The following KLHL29 variants were observed in gnomAD, a reference collection of about 807,000 sequenced individuals.
KLHL29 encodes the protein kelch like family member 29.
Under a neutral mutation model 80.4 loss-of-function variants are expected in KLHL29, and 21 were observed. The observed-to-expected ratio is 0.26, with a 90% CI of 0.19 to 0.38. The LOEUF (loss-of-function observed/expected upper bound fraction) is 0.38. Ranked by LOEUF, KLHL29 falls within the 10% of genes least tolerant of loss-of-function variation. The probability of loss-of-function intolerance (pLI) is 1.00; values close to 1 mark genes in which losing one functional copy is unlikely to be tolerated. For missense variants in KLHL29, 867 were observed against 1,223.9 expected, an observed-to-expected ratio of 0.71 and a Z score of 4.35; for synonymous variants, 511 against 526.8, an observed-to-expected ratio of 0.97 and a Z score of 0.41.
At chr2:23,394,661 G>A (rs1005759722) in intron 1 of KLHL29, among the ~76,000 whole-genome samples, 10 of 152,234 alleles carry the variant, frequency 6.6e-5, no homozygotes, top group Admixed American at 6.5e-4. Flanking sequence ...CATATGTTTA[G>A]CCACATTGCT....
At chr2:23,587,924 G>C (rs1450522378) in intron 3 of KLHL29, among the ~76,000 whole-genome samples, 1 of 152,206 alleles carries the variant, frequency 6.6e-6, no homozygotes, top group Non-Finnish European at 1.5e-5. Context: ...ATGGCCTTGT[G>C]TGCTGGCCTC....
chr2:23,562,314 G>A lies in KLHL29; in HGVS notation c.118G>A (p.Gly40Ser), dbSNP rs985031237. Reference sequence around the variant, plus strand: ...CATCTGCAGTGTCACCTCGGGGGCCGGTGGCGGCACAGCCAGCAGCCTCAG... The same window carrying A: ...CATCTGCAGTGTCACCTCGGGGGCCAGTGGCGGCACAGCCAGCAGCCTCAG... ...TSICSVTSGA[G>S]GGTASSLSVR... Residue 40 changes from glycine (G) to serine (S), a missense_variant, in exon 3 of 14, where the codon GGT becomes AGT. Transcript: ENST00000486442. This position sits in a 1 kb window ranked among gnomAD's most constrained non-coding sequence, Gnocchi z 4.5. 2.9e-5 allele frequency: 45 copies of A among 1,545,066 alleles called. No individual in the cohort carries two copies. In the East Asian group the frequency reaches 4.2e-4, roughly 14 times the overall value.
At chr2:23,448,811 G>A (rs1030291714) in intron 1 of KLHL29, among the ~76,000 whole-genome samples, 3 of 152,206 alleles carry the variant, frequency 2.0e-5, no homozygotes, top group Non-Finnish European at 2.9e-5. Flanking sequence ...GCCAGAGAAC[G>A]GCAGAATCTA....
intron 1 of KLHL29, among the ~76,000 whole-genome samples, chr2:23,425,770 A>C (rs542572962): frequency 7.8e-4 from 119 of 152,136 alleles, no homozygotes; most frequent in Non-Finnish European, 1.5e-3. Context: ...CTGTCACATG[A>C]CTTGGCAGAA....
At chr2:23,644,140 A>C (rs1669854272) in intron 5 of KLHL29, 1 of 152,232 alleles carries the variant, frequency 6.6e-6, no homozygotes, top group East Asian at 1.9e-4. Context: ...GGAAATCAGC[A>C]CTAGTTTTAA....
At chr2:23,484,343 C>G (rs981327403) in intron 2 of KLHL29, among the ~76,000 whole-genome samples, 1 of 152,220 alleles carries the variant, frequency 6.6e-6, no homozygotes, top group Non-Finnish European at 1.5e-5. Flanking sequence ...GCAGTCCTCA[C>G]GGGCCACCCT....
At position 23,531,385 on chromosome 2, in the gene KLHL29, C is replaced by T. The variant is rs1234270250; in HGVS notation, c.-45-30767C>T. Among the ~76,000 whole-genome samples the T allele has an allele frequency of 2.6e-5, 4 of 152,146 alleles. No homozygotes were observed. The South Asian group carries it at 6.2e-4, about 24-fold the overall frequency. On this transcript the variant is annotated intron_variant, in intron 2 of 13. Transcript: ENST00000486442. ...GTGATGCTCAAGGGAGAAGAACAGG[C>T]GACCGTCCCCATCAGTTCCATCCCC... is the stretch of plus-strand genomic sequence containing the variant.
intron 5 of KLHL29, among the ~76,000 whole-genome samples, chr2:23,644,635 C>T (rs1276244163): frequency 2.6e-5 from 4 of 152,202 alleles, no homozygotes; most frequent in Non-Finnish European, 5.9e-5. Flanking sequence ...ACACAGGTGG[C>T]GGGGACAGGA....
At chr2:23,460,554 T>A (rs1664181240) in intron 1 of KLHL29, among the ~76,000 whole-genome samples, 1 of 151,996 alleles carries the variant, frequency 6.6e-6, no homozygotes, top group Non-Finnish European at 1.5e-5. Flanking sequence ...ATGGCTAGAT[T>A]AATATGTGCA....
At chr2:23,541,412 A>G (rs558062323) in intron 2 of KLHL29, among the ~76,000 whole-genome samples, 2 of 152,330 alleles carry the variant, frequency 1.3e-5, no homozygotes, top group South Asian at 4.1e-4. Context: ...TGCCTGTCTT[A>G]TGGTCTCAGA....
At chr2:23,664,069 C>T (rs17045795) in intron 5 of KLHL29, among the ~76,000 whole-genome samples, 2,950 of 152,234 alleles carry the variant, frequency 0.019, 91 homozygotes, top group East Asian at 0.15. Flanking sequence ...CATTGTAATG[C>T]GGGACATTTT....
chr2:23,483,351 A>C (rs1664850291), intron 2 of KLHL29, among the ~76,000 whole-genome samples: 1 of 152,240 alleles, frequency 6.6e-6, no homozygotes, highest in Admixed American at 6.5e-5. Context: ...CTGAAGATAT[A>C]AAAAGACCAA....
At chr2:23,574,557 AG>A (rs1667796974) in intron 3 of KLHL29, among the ~76,000 whole-genome samples, 1 of 152,262 alleles carries the variant, frequency 6.6e-6, no homozygotes, top group East Asian at 1.9e-4. Flanking sequence ...GGGAAGGGAC[AG>A]GGAGGTTTTG....
At chr2:23,484,393 G>C (rs1435432372) in intron 2 of KLHL29, among the ~76,000 whole-genome samples, 1 of 152,182 alleles carries the variant, frequency 6.6e-6, no homozygotes, top group African/African-American at 2.4e-5. Context: ...TGTCTGGCTC[G>C]TAAGGTAGCA....
intron 2 of KLHL29, among the ~76,000 whole-genome samples, chr2:23,506,436 C>A (rs369877880): frequency 6.6e-6 from 1 of 152,176 alleles, no homozygotes; most frequent in Non-Finnish European, 1.5e-5. Flanking sequence ...TCTGCACAGG[C>A]GAGGACCTTT....
intron 3 of KLHL29, among the ~76,000 whole-genome samples, chr2:23,581,445 A>C (rs1280093767): frequency 2.0e-5 from 3 of 152,174 alleles, no homozygotes; most frequent in Non-Finnish European, 4.4e-5. Flanking sequence ...CTTGCGATGG[A>C]GTGTGCGCTG....
At chr2:23,400,790 C>A (rs1666581624) in intron 1 of KLHL29, among the ~76,000 whole-genome samples, 1 of 152,164 alleles carries the variant, frequency 6.6e-6, no homozygotes, top group African/African-American at 2.4e-5. Flanking sequence ...GCCAAGATTG[C>A]ACCACTGCGC....
At chr2:23,418,066 C>T (rs1288064935) in intron 1 of KLHL29, among the ~76,000 whole-genome samples, 2 of 152,224 alleles carry the variant, frequency 1.3e-5, no homozygotes, top group African/African-American at 2.4e-5. Context: ...AGCACAGTCC[C>T]TGGCATATTG....
rs1015125914 is a variant in KLHL29 at position 23,625,641 on chromosome 2, G to A, written c.286-13498G>A. Among the ~76,000 whole-genome samples, 7 of 152,272 alleles carry A rather than the reference G, an allele frequency of 4.6e-5. No homozygotes were observed. In the South Asian group the frequency reaches 6.2e-4, roughly 14 times the overall value. On this transcript the variant is annotated intron_variant, in intron 3 of 13. Transcript: ENST00000486442. ...AGATGGAGCCAGAGAAACAACAGGC[G>A]GATCGATCTCCACTCGGTTCACTCA...
Sources: allele counts gnomAD v4.1 joint callset (sites outside exome capture counted in the v4.1 genomes callset), GRCh38; gene constraint gnomAD v4.1.1; non-coding constraint Gnocchi (gnomAD v3.1); transcripts MANE v1.5; gene names NCBI Gene and HGNC (gene_info 2026-07-23, HGNC 2026-07-21).